The following FAT2 variants were observed in gnomAD, a reference collection of about 807,000 sequenced individuals.
The protein encoded by FAT2 is protocadherin Fat 2.
In FAT2, 150 loss-of-function variants were observed where a neutral mutation model predicts 295.3. The ratio of observed to expected loss-of-function variants is 0.51; its 90% CI spans 0.44 to 0.58. The LOEUF (loss-of-function observed/expected upper bound fraction) is 0.58, where lower values mean the gene tolerates loss of function less well. Ranked by LOEUF, FAT2 falls within the 20% of genes least tolerant of loss-of-function variation. The pLI, the probability that FAT2 is intolerant of heterozygous loss-of-function variation, is 0.00. For missense variants in FAT2, 4,868 were observed against 5,442.7 expected, an observed-to-expected ratio of 0.89 and a Z score of 3.32; for synonymous variants, 2,026 against 2,150.3, an observed-to-expected ratio of 0.94 and a Z score of 1.60.
chr5:151,507,749 A>G (rs563914806), intron 22 of FAT2, 138 bp from the exon 23 acceptor site: 8 of 697,970 alleles, frequency 1.1e-5, no homozygotes, highest in African/African-American at 9.0e-5. Flanking sequence ...AAAAGTAACT[A>G]TCAAGCATAT....
At chr5:151,554,050 A>T (rs1347682525) in intron 5 of FAT2, among the ~76,000 whole-genome samples, 1 of 152,262 alleles carries the variant, frequency 6.6e-6, no homozygotes, top group African/African-American at 2.4e-5. Flanking sequence ...AACATCACAC[A>T]GGTGTAAAAT....
Position 151,544,559 on chromosome 5 carries a change from T to C in FAT2, c.6568A>G (p.Ile2190Val), listed in dbSNP as rs200609907. The C allele has an allele frequency of 1.9e-6, 3 of 1,613,922 alleles. No homozygotes were observed. Among genetic ancestry groups the C allele is most frequent in the South Asian group, 2.2e-5 (2 of 91,074 alleles). Residue 2190 changes from isoleucine to valine, a missense_variant, in exon 10 of 24, where the codon ATT (isoleucine) becomes GTT (valine). Physicochemically the swap from Ile to Val is conservative, Grantham distance 29 (BLOSUM62 3). Coordinates refer to ENST00000261800, the MANE Select transcript of FAT2 (RefSeq NM_001447.3). ...GGACTCCGGGCCTGGGTGTGGAGAA[T>C]TGGGGTATAGAGGGTGATATTTTCA... ...VPENITLYTP[I>V]LHTQARSPEG...
Position 151,561,057 on chromosome 5 carries a change from G to A in FAT2, c.3574+2268C>T, listed in dbSNP as rs139535580. 9.9e-4 allele frequency among the ~76,000 whole-genome samples: 151 copies of A among 152,348 alleles called. 1 individual carries two copies. The highest frequency in any genetic ancestry group is 3.5e-3 in the African/African-American group (147 of 41,580). On this transcript the variant is annotated intron_variant, in intron 3 of 23. Transcript: ENST00000261800. ...GATGATTAATGGGATAATCACACAA[G>A]TGAATATAACGTCCTGTATGATAAA... is the stretch of plus-strand genomic sequence containing the variant.
rs558846697 is a variant in FAT2, at chr5:151,567,684, G to A, written c.1248C>T (p.Thr416=). 1.9e-5 allele frequency: 30 copies of A among 1,614,038 alleles called. No individual in the cohort carries two copies. In the South Asian group the frequency reaches 2.9e-4, roughly 15 times the overall value. ...FKLNARTGLI[T]TTKLMDFHDR... is the part of the protein sequence containing the mutation. The stretch of plus-strand genomic sequence containing the variant: ...CGTGGAAGTCCATGAGCTTTGTGGT[G>A]GTGATCAACCCAGTTCGAGCATTAA... The change falls in exon 2 of 24, where the codon ACC becomes ACT. Residue 416 remains threonine (T), a synonymous_variant. Transcript: ENST00000261800.
Position 151,567,338 on chromosome 5 carries a change from G to C in FAT2, c.1594C>G (p.Arg532Gly). 6.2e-7 allele frequency: 1 copy of C among 1,614,172 alleles called. No individual in the cohort carries two copies. The highest frequency in any genetic ancestry group is 8.5e-7 in the Non-Finnish European group (1 of 1,180,036). ...YELMKRIYTF[R>G]VRASDWGSPF... ...GATCCCCAGTCTGATGCTCTTACCC[G>C]GAAGGTATAAATTCTTTTCATGAGT... The change falls in exon 2 of 24, where the codon CGG (arginine) becomes GGG (glycine). Residue 532 changes from arginine to glycine, a missense_variant. Arg to Gly is a moderately radical substitution (Grantham distance 125, BLOSUM62 -2). This residue lies in a region of FAT2 where 3,297 missense variants were observed against 3,669.4 expected (regional missense o/e 0.90). Coordinates refer to ENST00000261800, the MANE Select transcript of FAT2 (RefSeq NM_001447.3).
Position 151,545,260 on chromosome 5 carries a change from A to G in FAT2, c.5867T>C (p.Ile1956Thr), listed in dbSNP as rs777582355. The change falls in exon 10 of 24, where the codon ATT becomes ACT. Residue 1956 changes from isoleucine to threonine, a missense_variant. Physicochemically the swap from Ile to Thr is moderately conservative, Grantham distance 89. Around this residue, in one of 5 missense-constraint regions of FAT2, gnomAD observed 3,297 missense variants for 3,669.4 expected, o/e 0.90. Transcript: ENST00000261800. Reference protein sequence around the residue: ...GLYQDTALVKISLTQVLDKSL... With the variant: ...GLYQDTALVKTSLTQVLDKSL... ...TTTGTCAAGCACTTGGGTCAAAGAA[A>G]TTTTTACCAGCGCAGTGTCTTGATA... The G allele has an allele frequency of 1.2e-6, 2 of 1,614,048 alleles. No individual in the cohort carries two copies. The highest frequency in any genetic ancestry group is 1.7e-6 in the Non-Finnish European group (2 of 1,180,016).
intron 13 of FAT2, among the ~76,000 whole-genome samples, chr5:151,532,749 G>C (rs1754788737): frequency 6.6e-6 from 1 of 152,184 alleles, no homozygotes; most frequent in Non-Finnish European, 1.5e-5. Context: ...GTTGGCCATA[G>C]TGTAGGAAAA....
At position 151,545,456 on chromosome 5, in the gene FAT2, G is replaced by C. The variant is rs764071826; in HGVS notation, c.5671C>G (p.Leu1891Val). 6.2e-7 allele frequency: 1 copy of C among 1,614,180 alleles called. No individual in the cohort carries two copies. ...TCATCGCTGGCCCGCACCATGAGAAGCTCCATGCCTGGATGGATAGGCCCG... is the reference window on the plus strand; with the variant it reads ...TCATCGCTGGCCCGCACCATGAGAACCTCCATGCCTGGATGGATAGGCCCG... ...IVGPIHPGME[L>V]LMVRASDEDS... Residue 1891 changes from leucine (L) to valine (V), a missense_variant, in exon 10 of 24, where the codon CTT becomes GTT. Physicochemically the swap from Leu to Val is conservative, Grantham distance 32. Transcript: ENST00000261800.
rs1375654619 is a variant in FAT2, at chr5:151,568,545, T to C, written c.387A>G (p.Glu129=). Residue 129 remains glutamate, a synonymous_variant, in exon 2 of 24, where the codon GAA becomes GAG. Coordinates refer to ENST00000261800, the MANE Select transcript of FAT2 (RefSeq NM_001447.3). ...IQATEKTLEL[E]ALTRVVVHIL... Reference sequence around the variant, plus strand: ...TGTGGACCACCACACGGGTCAAAGCTTCCAACTCCAAGGTCTTCTCTGTGG... The same window carrying C: ...TGTGGACCACCACACGGGTCAAAGCCTCCAACTCCAAGGTCTTCTCTGTGG... 1 of 1,614,094 alleles carries C rather than the reference T, an allele frequency of 6.2e-7. No homozygotes were observed. The highest frequency in any genetic ancestry group is 1.1e-5 in the South Asian group (1 of 91,044).
intron 5 of FAT2, among the ~76,000 whole-genome samples, chr5:151,553,956 G>A (rs959889670): frequency 3.3e-5 from 5 of 152,182 alleles, no homozygotes; most frequent in African/African-American, 1.2e-4. Flanking sequence ...GCACCCATGC[G>A]CTAGCTACCT....
chr5:151,590,362 C>A (rs1387809456), intron 1 of FAT2, among the ~76,000 whole-genome samples: 2 of 152,200 alleles, frequency 1.3e-5, no homozygotes, highest in African/African-American at 2.4e-5. Context: ...CTCACTGCTC[C>A]CCATGCTGGG....
intron 1 of FAT2, among the ~76,000 whole-genome samples, chr5:151,590,858 G>C (rs1198711272): frequency 2.6e-5 from 4 of 152,170 alleles, no homozygotes; most frequent in Non-Finnish European, 5.9e-5. Flanking sequence ...TGCAGGACAA[G>C]AATCCAACTT....
In FAT2 at chr5:151,544,700, C is replaced by T. The variant is rs1179340347; in HGVS notation, c.6427G>A (p.Val2143Ile). The T allele has an allele frequency of 6.2e-7, 1 of 1,614,050 alleles. No homozygotes were observed. The highest frequency in any genetic ancestry group is 1.3e-5 in the African/African-American group (1 of 74,930). Residue 2143 changes from valine (V) to isoleucine (I), a missense_variant, in exon 10 of 24, where the codon GTC (valine) becomes ATC (isoleucine). Physicochemically the swap from Val to Ile is conservative, Grantham distance 29 (BLOSUM62 3). Transcript: ENST00000261800. ...YQALNKYHLK[V>I]IARDGGTPSL... ...GGCGTTCCTCCATCCCGAGCAATGA[C>T]TTTGAGGTGATATTTATTTAAAGCT...
At position 151,521,450 on chromosome 5, in the gene FAT2, C is replaced by G. The variant is rs1308616264; in HGVS notation, c.11143G>C (p.Gly3715Arg). 6.2e-7 allele frequency: 1 copy of G among 1,614,104 alleles called. No homozygotes were observed. Among genetic ancestry groups the G allele is most frequent in the Non-Finnish European group, 8.5e-7 (1 of 1,180,052 alleles). Residue 3715 changes from glycine (G) to arginine (R), a missense_variant, in exon 19 of 24, where the codon GGG (glycine) becomes CGG (arginine). By Grantham distance (125) the Gly-to-Arg change is moderately radical (BLOSUM62 -2). Transcript: ENST00000261800. ...GGCATAGCTGACCGCATCTGAACCCCCACTGAATGCTCCATCTCCTTGGCT... is the reference window on the plus strand; with the variant it reads ...GGCATAGCTGACCGCATCTGAACCCGCACTGAATGCTCCATCTCCTTGGCT... The part of the protein sequence containing the change: ...HSAKEMEHSV[G>R]VQMRSAMPMV...
In FAT2 at chr5:151,544,360, G is replaced by T; in HGVS notation, c.6767C>A (p.Ala2256Asp). The change falls in exon 10 of 24, where the codon GCC becomes GAC. Residue 2256 changes from alanine (A) to aspartate (D), a missense_variant. By Grantham distance (126) the Ala-to-Asp change is moderately radical. This residue lies in a region of FAT2 where 3,297 missense variants were observed against 3,669.4 expected (regional missense o/e 0.90). Coordinates refer to ENST00000261800, the MANE Select transcript of FAT2 (RefSeq NM_001447.3). The stretch of plus-strand genomic sequence containing the variant: ...ATCCTCCACTAGGACTTCCACTGTG[G>T]CTTCAGAAAATGACCCCAGAGCTGT... ...TDTALGSFSE[A>D]TVEVLVEDVN... The T allele has an allele frequency of 6.2e-7, 1 of 1,614,180 alleles. No individual in the cohort carries two copies. Among genetic ancestry groups the T allele is most frequent in the Non-Finnish European group, 8.5e-7 (1 of 1,180,028 alleles).
chr5:151,567,033 G>A lies in FAT2; in HGVS notation c.1899C>T (p.Pro633=). The part of the protein sequence containing the change: ...RPFINLTAGQ[P]TSYSLKITAS... ...CTGTAATCTTCAGGGAATAACTGGTGGGTTGACCAGCAGTAAGATTGATAA... is the reference window on the plus strand; with the variant it reads ...CTGTAATCTTCAGGGAATAACTGGTAGGTTGACCAGCAGTAAGATTGATAA... Residue 633 remains proline (P), a synonymous_variant, in exon 2 of 24, where the codon CCC becomes CCT. Transcript: ENST00000261800. 1 of 1,614,026 alleles carries A rather than the reference G, an allele frequency of 6.2e-7. No individual in the cohort carries two copies. Among genetic ancestry groups the A allele is most frequent in the Non-Finnish European group, 8.5e-7 (1 of 1,179,940 alleles).
chr5:151,583,456 C>T (rs990212131), intron 1 of FAT2, among the ~76,000 whole-genome samples: 1 of 152,138 alleles, frequency 6.6e-6, no homozygotes, highest in Admixed American at 6.5e-5. Context: ...AAAGTACATA[C>T]TGTGGTAGTC....
chr5:151,578,002 T>A (rs1302608609), intron 1 of FAT2, among the ~76,000 whole-genome samples: 1 of 136,490 alleles, frequency 7.3e-6, no homozygotes, highest in African/African-American at 2.8e-5. Flanking sequence ...ACCATTAAAA[T>A]CCATGAAAAG....
intron 3 of FAT2, among the ~76,000 whole-genome samples, chr5:151,562,184 A>T (rs1758043384): frequency 6.6e-6 from 1 of 152,206 alleles, no homozygotes; most frequent in African/African-American, 2.4e-5. Flanking sequence ...TGTCTGCTCC[A>T]GGAGTCCCAG....
Sources: gnomAD v4.1 joint callset for allele counts (sites outside exome capture counted in the v4.1 genomes callset) on GRCh38, gnomAD v4.1.1 for gene constraint, gnomAD v4.1.1 regional missense constraint, MANE v1.5 for transcripts, NCBI Gene and HGNC (gene_info 2026-07-23, HGNC 2026-07-21) for gene names.